The following TDRD1 variants were observed in gnomAD, a reference collection of about 807,000 sequenced individuals.
TDRD1 encodes tudor domain-containing protein 1.
TDRD1 carries 37 observed loss-of-function variants against 140.6 expected under a neutral mutation model. That is an observed-to-expected ratio of 0.26 (90% CI 0.20 to 0.35). TDRD1 has a LOEUF of 0.35. TDRD1 is among the 10% of genes least tolerant of loss of function. The pLI is 1.00. For missense variants in TDRD1, 1,243 were observed against 1,393.0 expected, an observed-to-expected ratio of 0.89 and a Z score of 1.71; for synonymous variants, 506 against 475.7, an observed-to-expected ratio of 1.06 and a Z score of -0.83.
exon 15 of TDRD1, chr10:114,213,495 G>A (rs937581357): frequency 2.5e-5 from 41 of 1,614,056 alleles, no homozygotes; most frequent in Non-Finnish European, 3.3e-5. Context: ...GACGCCTCAT[G>A]TCAGTGTTAG....
intron 13 of TDRD1, among the ~76,000 whole-genome samples, chr10:114,211,407 C>T (rs1197694652): frequency 6.6e-6 from 1 of 152,210 alleles, no homozygotes; most frequent in African/African-American, 2.4e-5. Flanking sequence ...TAACCAGGTT[C>T]TGTTACTCTC....
chr10:114,188,276 G>A lies in TDRD1; in HGVS notation c.325+120G>A, dbSNP rs926874385. On this transcript the variant is annotated intron_variant, in intron 2 of 25. Transcript: ENST00000251864. The stretch of plus-strand genomic sequence containing the variant: ...AGAACAGGCACATGACTACCTTACC[G>A]TATTTGCATTTCATTATTAATTTAG... The A allele has an allele frequency of 5.2e-5, 42 of 810,244 alleles. No individual in the cohort carries two copies. The Middle Eastern group carries it at 7.3e-4, about 14-fold the overall frequency. 50.2% of individuals were successfully genotyped at this position (810,244 alleles called of 1,614,324 possible).
rs1465495739 is a variant in TDRD1 at position 114,221,344 on chromosome 10, T to C, written c.2771-13T>C. ...TTTATTCCGTGTGAGACCTGTGTTT[T>C]GTATGTTTCCAGCTACCTCTTCAGC... is the stretch of plus-strand genomic sequence containing the variant. On this transcript the variant is annotated splice_polypyrimidine_tract_variant and intron_variant, in intron 19 of 25. Transcript: ENST00000251864. 6.2e-7 allele frequency: 1 copy of C among 1,612,374 alleles called. No homozygotes were observed. Among genetic ancestry groups the C allele is most frequent in the Non-Finnish European group, 8.5e-7 (1 of 1,179,090 alleles).
rs373645548 is a variant in TDRD1 at position 114,202,302 on chromosome 10, T to C, written c.696+4T>C. ...GGATGTGGAGGTAAACAATAAGGTA[T>C]GGTATACTTTGTCTTTAAATTTTGA... On this transcript the variant is annotated splice_donor_region_variant and intron_variant, in intron 6 of 25. Coordinates refer to ENST00000251864, the Ensembl canonical transcript of TDRD1. 1.3e-6 allele frequency: 2 copies of C among 1,575,166 alleles called. No homozygotes were observed. Among genetic ancestry groups the C allele is most frequent in the African/African-American group, 2.7e-5 (2 of 73,778 alleles).
At chr10:114,221,214 A>T in intron 19 of TDRD1, 143 bp from the exon 20 acceptor site, 1 of 942,536 alleles carries the variant, frequency 1.1e-6, no homozygotes, top group East Asian at 2.7e-5. Context: ...TTGTTTTGTG[A>T]AAAAATACAG....
At chr10:114,191,408 A>C (rs985050004) in intron 3 of TDRD1, among the ~76,000 whole-genome samples, 1 of 152,198 alleles carries the variant, frequency 6.6e-6, no homozygotes, top group Admixed American at 6.5e-5. Flanking sequence ...CTTAATCCAT[A>C]GCAGCCACTG....
rs201877796 is a variant in TDRD1 at position 114,213,349 on chromosome 10, T to C, written c.1835T>C (p.Val612Ala). Residue 612 changes from valine (V) to alanine (A), a missense_variant, in exon 15 of 26, where the codon GTA (valine) becomes GCA (alanine). Around this residue, in one of 5 missense-constraint regions of TDRD1, gnomAD observed 601 missense variants for 734.7 expected, o/e 0.82. Transcript: ENST00000251864. ...TTCATTCAAAATTCTTTGTTAGGAGTAAAGCCATCATTAGGAATTTGGACT... is the reference window on the plus strand; with the variant it reads ...TTCATTCAAAATTCTTTGTTAGGAGCAAAGCCATCATTAGGAATTTGGACT... The C allele has an allele frequency of 9.3e-6, 15 of 1,610,932 alleles. No homozygotes were observed. The highest frequency in any genetic ancestry group is 5.0e-5 in the Admixed American group (3 of 59,834).
rs1057079546 is a variant in TDRD1, at chr10:114,212,231, G to A, written c.1831+195G>A. On this transcript the variant is annotated intron_variant, in intron 14 of 25. Transcript: ENST00000251864. ...GTCAATTAGTTGGCTTCATTCAAAC[G>A]TACCATAATTTAGAAAGAATATCCT... is the stretch of plus-strand genomic sequence containing the variant. Among the ~76,000 whole-genome samples the A allele has an allele frequency of 4.1e-4, 62 of 152,086 alleles. 1 individual carries two copies. Among genetic ancestry groups the A allele is most frequent in the Non-Finnish European group, 2.9e-5 (2 of 68,014 alleles).
At chr10:114,184,736 G>T (rs2033381534) in intron 1 of TDRD1, among the ~76,000 whole-genome samples, 1 of 152,086 alleles carries the variant, frequency 6.6e-6, no homozygotes, top group Non-Finnish European at 1.5e-5. Context: ...TGCTATTTTG[G>T]TAAGTTTTAA....
At chr10:114,204,725 A>G (rs765150879) in exon 10 of TDRD1, 3 of 1,580,740 alleles carry the variant, frequency 1.9e-6, no homozygotes, top group African/African-American at 1.4e-5. Context: ...TTTTCAGGCC[A>G]TAAAGTGCTT....
At chr10:114,195,150 A>G (rs781174533) in intron 3 of TDRD1, among the ~76,000 whole-genome samples, 1 of 152,146 alleles carries the variant, frequency 6.6e-6, no homozygotes, top group Non-Finnish European at 1.5e-5. Context: ...TTTGAAGATT[A>G]TTAGTATTTT....
intron 25 of TDRD1, among the ~76,000 whole-genome samples, chr10:114,230,998 C>T (rs572273977): frequency 1.3e-5 from 2 of 152,178 alleles, no homozygotes; most frequent in Non-Finnish European, 2.9e-5. Context: ...ACCCAGGAGC[C>T]GAAGGTTGCA....
At chr10:114,227,818 A>G in intron 23 of TDRD1, 92 bp from the exon 24 acceptor site, 1 of 976,060 alleles carries the variant, frequency 1.0e-6, no homozygotes, top group Non-Finnish European at 1.6e-6. Flanking sequence ...CCCATGCGCA[A>G]GGGGGAGAGC....
intron 10 of TDRD1, 110 bp downstream of exon 10, chr10:114,205,003 C>T (rs1372712896): frequency 1.1e-6 from 1 of 923,398 alleles, no homozygotes; most frequent in East Asian, 3.0e-5. Context: ...CCTCTGGAGT[C>T]ATTCAGATTG....
At chr10:114,207,798 A>G (rs1004047995) in intron 11 of TDRD1, among the ~76,000 whole-genome samples, 1 of 152,064 alleles carries the variant, frequency 6.6e-6, no homozygotes, top group Non-Finnish European at 1.5e-5. Context: ...ATCAGATGCT[A>G]TGAAGGTATC....
At chr10:114,185,709 T>A (rs1396030617) in intron 1 of TDRD1, among the ~76,000 whole-genome samples, 11 of 152,116 alleles carry the variant, frequency 7.2e-5, no homozygotes, top group Admixed American at 7.2e-4. Flanking sequence ...TGCCTCAGCC[T>A]CCCAAGTAGC....
chr10:114,197,409 T>C (rs2034438082), intron 3 of TDRD1, among the ~76,000 whole-genome samples: 1 of 152,230 alleles, frequency 6.6e-6, no homozygotes, highest in South Asian at 2.1e-4. Context: ...AATACTCATT[T>C]GGTTCTTTAT....
chr10:114,216,602 C>T (rs770229743), intron 16 of TDRD1, among the ~76,000 whole-genome samples: 1 of 152,156 alleles, frequency 6.6e-6, no homozygotes, highest in African/African-American at 2.4e-5. Context: ...ATTACTAAAA[C>T]AAATCCTTGT....
Position 114,197,760 on chromosome 10 carries a change from C to T in TDRD1, c.385-1413C>T, listed in dbSNP as rs138773438. Among the ~76,000 whole-genome samples the T allele has an allele frequency of 5.8e-3, 878 of 151,782 alleles. 7 individuals carry two copies. Among genetic ancestry groups the T allele is most frequent in the African/African-American group, 0.02 (838 of 41,334 alleles). The stretch of plus-strand genomic sequence containing the variant: ...GCAACCTCCGCCTCCTGGGTTCAAG[C>T]GATCCTTGTGCCTCAGCTTCCTGAG... On this transcript the variant is annotated intron_variant, in intron 3 of 25. Transcript: ENST00000251864.
Sources: allele counts gnomAD v4.1 joint callset (sites outside exome capture counted in the v4.1 genomes callset), GRCh38; gene constraint gnomAD v4.1.1; regional missense constraint gnomAD v4.1.1; transcripts MANE v1.5; gene names NCBI Gene and HGNC (gene_info 2026-07-23, HGNC 2026-07-21).